GPC4: variants seen among roughly 807,000 people sequenced by gnomAD.
The protein encoded by GPC4 is glypican 4.
Under a neutral mutation model 35.0 loss-of-function variants are expected in GPC4, and 10 were observed. The ratio of observed to expected loss-of-function variants is 0.29; its 90% CI spans 0.18 to 0.48. The LOEUF (loss-of-function observed/expected upper bound fraction) is 0.48. Ranked by LOEUF, GPC4 falls within the 20% of genes least tolerant of loss-of-function variation. GPC4 has a pLI of 0.99. For synonymous variants in GPC4, 167 were observed against 170.2 expected (o/e 0.98, Z 0.15); for missense variants, 322 against 451.3 (o/e 0.71, Z 2.60).
chrX:133,387,507 A>G (rs1266317603), intron 1 of GPC4, among the ~76,000 whole-genome samples: 1 of 111,426 alleles, frequency 9.0e-6, no homozygotes. Context: ...AAGGAAGGAG[A>G]AAAAAAGAAG....
At chrX:133,397,145 C>T (rs1056808683) in intron 1 of GPC4, among the ~76,000 whole-genome samples, 1 of 112,234 alleles carries the variant, frequency 8.9e-6, no homozygotes, top group Non-Finnish European at 1.9e-5. Context: ...AAAGCAGAGG[C>T]CGGGCACAGC....
intron 4 of GPC4, among the ~76,000 whole-genome samples, chrX:133,306,536 C>G (rs2068291936): frequency 9.0e-6 from 1 of 111,536 alleles, no homozygotes; most frequent in Non-Finnish European, 1.9e-5. Flanking sequence ...CCAGAGACTT[C>G]CCTAGGATCT....
chrX:133,392,599 T>A (rs1449104319), intron 1 of GPC4, among the ~76,000 whole-genome samples: 1 of 103,732 alleles, frequency 9.6e-6, no homozygotes, highest in African/African-American at 3.6e-5. Flanking sequence ...ATAGAAATGG[T>A]CCTAAAAAGG....
intron 4 of GPC4, among the ~76,000 whole-genome samples, chrX:133,307,592 A>T (rs184274889): frequency 9.8e-5 from 11 of 111,928 alleles, no homozygotes; most frequent in African/African-American, 3.2e-4. Context: ...GAGAAAAAAA[A>T]TGCTTTTGAT....
intron 1 of GPC4, among the ~76,000 whole-genome samples, chrX:133,346,308 C>T (rs1440579186): frequency 2.7e-5 from 3 of 111,779 alleles, no homozygotes; most frequent in African/African-American, 9.7e-5. Flanking sequence ...GAATCAGCCT[C>T]AGGTTCCCTG....
intron 3 of GPC4, among the ~76,000 whole-genome samples, chrX:133,315,497 C>T (rs2068334147): frequency 1.8e-5 from 2 of 110,755 alleles, no homozygotes; most frequent in African/African-American, 3.3e-5. Context: ...AGACTTTGTT[C>T]TGGGGCTTTA....
intron 1 of GPC4, among the ~76,000 whole-genome samples, chrX:133,405,536 C>A (rs2068784000): frequency 8.9e-6 from 1 of 112,127 alleles, no homozygotes; most frequent in Non-Finnish European, 1.9e-5. Flanking sequence ...AGCATTCGCC[C>A]ATTCTAGGAG....
chrX:133,367,584 G>A (rs1027818650), intron 1 of GPC4, among the ~76,000 whole-genome samples: 3 of 112,326 alleles, frequency 2.7e-5, no homozygotes, highest in African/African-American at 9.7e-5. Flanking sequence ...CAATTATACT[G>A]AGGGCTGGGT....
chrX:133,388,804 C>A (rs865976852), intron 1 of GPC4, among the ~76,000 whole-genome samples: 2 of 109,594 alleles, frequency 1.8e-5, no homozygotes, highest in Admixed American at 9.7e-5. Flanking sequence ...GCCCAGCCAG[C>A]CAACTCTTTT....
At chrX:133,405,276 T>C (rs1212948317) in intron 1 of GPC4, among the ~76,000 whole-genome samples, 2 of 110,338 alleles carry the variant, frequency 1.8e-5, no homozygotes, top group Non-Finnish European at 3.8e-5. Flanking sequence ...GCCTGGCTAA[T>C]TTTGGCATTT....
intron 1 of GPC4, among the ~76,000 whole-genome samples, chrX:133,390,341 T>C (rs958322310): frequency 8.9e-6 from 1 of 111,917 alleles, no homozygotes; most frequent in Non-Finnish European, 1.9e-5. Flanking sequence ...AATGGGAACA[T>C]AGTAACACAT....
At chrX:133,395,853 G>GA (rs754176818) in intron 1 of GPC4, among the ~76,000 whole-genome samples, 2 of 109,898 alleles carry the variant, frequency 1.8e-5, no homozygotes, top group East Asian at 2.8e-4. Context: ...TGTTCTTAAT[G>GA]AAAAAAAATC....
intron 3 of GPC4, among the ~76,000 whole-genome samples, chrX:133,320,790 T>C (rs970400838): frequency 5.5e-5 from 6 of 110,044 alleles, no homozygotes; most frequent in Non-Finnish European, 3.8e-5. Context: ...GGAGGATCGC[T>C]TGAGGCCAGG....
At chrX:133,318,100 T>C (rs935752741) in intron 3 of GPC4, among the ~76,000 whole-genome samples, 3 of 111,580 alleles carry the variant, frequency 2.7e-5, no homozygotes, top group African/African-American at 9.8e-5. Flanking sequence ...GTAAACTCAA[T>C]GTATTCAATT....
Position 133,352,644 on chromosome X carries a change from G to A in GPC4, c.161-13303C>T, listed in dbSNP as rs550655230. Reference sequence around the variant, plus strand: ...GTCAATAAATTATTGGCATAGCTCCGTTCAATTTTTGTAGTAGAGGTCTCA... The same window carrying A: ...GTCAATAAATTATTGGCATAGCTCCATTCAATTTTTGTAGTAGAGGTCTCA... On this transcript the variant is annotated intron_variant, in intron 1 of 8. Transcript: ENST00000370828. Among the ~76,000 whole-genome samples, 5 of 111,564 alleles carry A rather than the reference G, an allele frequency of 4.5e-5. No individual in the cohort carries two copies. In the East Asian group the frequency reaches 1.1e-3, roughly 25 times the overall value.
At chrX:133,320,263 T>C (rs2068357848) in intron 3 of GPC4, among the ~76,000 whole-genome samples, 1 of 111,754 alleles carries the variant, frequency 8.9e-6, no homozygotes, top group African/African-American at 3.2e-5. Context: ...TAGGCTAACA[T>C]GAGAATACAA....
chrX:133,328,940 A>T (rs2068406120), intron 2 of GPC4, among the ~76,000 whole-genome samples: 1 of 111,979 alleles, frequency 8.9e-6, no homozygotes, highest in East Asian at 2.8e-4. Flanking sequence ...GTTTGCAAGG[A>T]TTTGAAATAT....
intron 1 of GPC4, among the ~76,000 whole-genome samples, chrX:133,353,285 A>G (rs1451952485): frequency 8.9e-6 from 1 of 112,036 alleles, no homozygotes; most frequent in Non-Finnish European, 1.9e-5. Context: ...AGCCACTCTA[A>G]TTTGAGCCTG....
intron 1 of GPC4, chrX:133,414,601 G>C (rs934298223): frequency 4.4e-5 from 33 of 752,665 alleles, no homozygotes; most frequent in South Asian, 1.4e-4. Context: ...TGCTGGGAAG[G>C]GGGGAGCGCT....
Sources: gnomAD v4.1 joint callset for allele counts (sites outside exome capture counted in the v4.1 genomes callset) on GRCh38, gnomAD v4.1.1 for gene constraint, MANE v1.5 for transcripts, NCBI Gene and HGNC (gene_info 2026-07-23, HGNC 2026-07-21) for gene names.